MTUS2: variants seen among roughly 807,000 people sequenced by gnomAD.
MTUS2 encodes microtubule associated scaffold protein 2.
A neutral mutation model predicts 114.1 loss-of-function variants in MTUS2; 40 were observed. That is an observed-to-expected ratio of 0.35 (90% CI 0.27 to 0.46). The LOEUF is 0.46. MTUS2 is among the 20% of genes least tolerant of loss of function. The probability of loss-of-function intolerance (pLI) is 1.00; values close to 1 mark genes in which losing one functional copy is unlikely to be tolerated. For synonymous variants in MTUS2, 688 were observed against 672.0 expected (o/e 1.02, Z -0.37); for missense variants, 1,679 against 1,705.4 (o/e 0.98, Z 0.27).
intron 2 of MTUS2, among the ~76,000 whole-genome samples, chr13:28,981,046 GA>G (rs1170296737): frequency 2.6e-5 from 4 of 152,190 alleles, no homozygotes; most frequent in African/African-American, 9.7e-5. Context: ...ACCTTGAATG[GA>G]ATTAAAATTC....
rs573058254 is a variant in MTUS2, at chr13:29,335,526, C to T, written c.2905+10815C>T. Among the ~76,000 whole-genome samples the T allele has an allele frequency of 1.7e-3, 263 of 152,278 alleles. 2 individuals carry two copies. Among genetic ancestry groups the T allele is most frequent in the Middle Eastern group, 0.01 (3 of 294 alleles). On this transcript the variant is annotated intron_variant, in intron 7 of 15. Coordinates refer to ENST00000612955, the MANE Select transcript of MTUS2 (RefSeq NM_001033602.4). ...CACACCCTATTCGTACACTCCTTCC[C>T]CTTTTGAAAATCACTAATAAAAACT...
intron 4 of MTUS2, among the ~76,000 whole-genome samples, chr13:29,092,094 G>A (rs74600983): frequency 0.025 from 3,784 of 152,292 alleles, 169 homozygotes; most frequent in African/African-American, 0.086. Flanking sequence ...GCAGTCAAAT[G>A]CCTAGGCAGA....
intron 2 of MTUS2, among the ~76,000 whole-genome samples, chr13:29,020,991 G>A (rs1000196853): frequency 2.6e-5 from 4 of 152,194 alleles, no homozygotes; most frequent in Non-Finnish European, 4.4e-5. Context: ...TTTAGGCCAG[G>A]TGCTGTGACT....
At chr13:29,110,547 GAA>G (rs5802506) in intron 5 of MTUS2, among the ~76,000 whole-genome samples, 1 of 152,112 alleles carries the variant, frequency 6.6e-6, no homozygotes, top group Non-Finnish European at 1.5e-5. Context: ...TTCTTTACAA[GAA>G]AAAAAATGGA....
intron 5 of MTUS2, among the ~76,000 whole-genome samples, chr13:29,200,901 C>T (rs1894927781): frequency 6.6e-6 from 1 of 152,104 alleles, no homozygotes; most frequent in Non-Finnish European, 1.5e-5. Flanking sequence ...CATTCTTTTC[C>T]ATTTTCTGAG....
intron 5 of MTUS2, among the ~76,000 whole-genome samples, chr13:29,243,497 G>T (rs190658253): frequency 1.1e-4 from 16 of 152,330 alleles, no homozygotes; most frequent in Admixed American, 9.1e-4. Flanking sequence ...TCGGAAGCCA[G>T]TTGGTAGTGG....
chr13:29,050,280 T>C (rs374318302), intron 4 of MTUS2, among the ~76,000 whole-genome samples: 71 of 152,286 alleles, frequency 4.7e-4, no homozygotes, highest in African/African-American at 1.6e-3. Context: ...ATGGTCAAAA[T>C]GAAGTACAGA....
At chr13:29,233,702 G>A (rs1896425273) in intron 5 of MTUS2, among the ~76,000 whole-genome samples, 1 of 152,120 alleles carries the variant, frequency 6.6e-6, no homozygotes. Context: ...GCTATTTCCA[G>A]GGAAACATTT....
chr13:28,836,036 C>T (rs1410589640), intron 1 of MTUS2, among the ~76,000 whole-genome samples: 1 of 152,018 alleles, frequency 6.6e-6, no homozygotes, highest in Non-Finnish European at 1.5e-5. Flanking sequence ...AGTTAAGGTA[C>T]ACTTTATAGG....
chr13:28,910,156 C>T lies in MTUS2; in HGVS notation c.-243+70306C>T, dbSNP rs576949994. 9.0e-4 allele frequency among the ~76,000 whole-genome samples: 137 copies of T among 152,254 alleles called. 1 individual carries two copies. The highest frequency in any genetic ancestry group is 3.2e-3 in the African/African-American group (134 of 41,552). ...ATTTTTATTTTATATCTATTAACCACTCCCATTTCCCTCCATCCCACCCGT... is the reference window on the plus strand; with the variant it reads ...ATTTTTATTTTATATCTATTAACCATTCCCATTTCCCTCCATCCCACCCGT... On this transcript the variant is annotated intron_variant, in intron 2 of 15. Coordinates refer to ENST00000612955, the MANE Select transcript of MTUS2 (RefSeq NM_001033602.4).
chr13:29,455,840 G>T (rs1056448326), intron 9 of MTUS2, among the ~76,000 whole-genome samples: 2 of 152,072 alleles, frequency 1.3e-5, no homozygotes, highest in East Asian at 3.9e-4. Flanking sequence ...AATTAGCTGG[G>T]CATGGTGGTG....
intron 9 of MTUS2, among the ~76,000 whole-genome samples, chr13:29,454,876 C>T (rs1460464652): frequency 1.3e-5 from 2 of 152,206 alleles, no homozygotes; most frequent in East Asian, 3.8e-4. Flanking sequence ...TCTTCATGCC[C>T]TGTCTTCTGC....
At chr13:29,004,431 T>C (rs770778049) in intron 2 of MTUS2, among the ~76,000 whole-genome samples, 16 of 152,214 alleles carry the variant, frequency 1.1e-4, no homozygotes, top group Non-Finnish European at 2.1e-4. Context: ...ATGAAATGCT[T>C]ATTTATATAG....
At chr13:29,205,930 T>C (rs998969300) in intron 5 of MTUS2, among the ~76,000 whole-genome samples, 2 of 152,184 alleles carry the variant, frequency 1.3e-5, no homozygotes, top group African/African-American at 4.8e-5. Context: ...TACCCAGTAG[T>C]GGGATTGCTG....
chr13:29,428,970 C>G, intron 8 of MTUS2: 1 of 1,472,496 alleles, frequency 6.8e-7, no homozygotes, highest in Middle Eastern at 1.7e-4. Context: ...AGCCAGCCAC[C>G]TCGGTGCCTG....
chr13:29,072,503 C>T (rs765084464), intron 4 of MTUS2, among the ~76,000 whole-genome samples: 2 of 152,056 alleles, frequency 1.3e-5, no homozygotes, highest in African/African-American at 2.4e-5. Context: ...TATGAAAATG[C>T]GTTTTAAGGG....
rs1203304114 is a variant in MTUS2, at chr13:29,505,172, A to T, written c.*1966A>T. 1 of 232,108 alleles carries T rather than the reference A, an allele frequency of 4.3e-6. No homozygotes were observed. The highest frequency in any genetic ancestry group is 8.5e-6 in the Non-Finnish European group (1 of 117,142). 14.4% of individuals were successfully genotyped at this position (232,108 alleles called of 1,614,324 possible). A position where few individuals can be genotyped will look rare whatever the true frequency, so the allele number is the denominator to read the frequency against. ...ACATTGACTAAATACACAAGTATTT[A>T]TTCTAGTAGCAGGCACAACCTGCAA... On this transcript the variant is annotated 3_prime_UTR_variant, in exon 16 of 16. Transcript: ENST00000612955.
chr13:29,397,290 T>C (rs895005432), intron 8 of MTUS2, among the ~76,000 whole-genome samples: 4 of 152,178 alleles, frequency 2.6e-5, no homozygotes, highest in African/African-American at 7.2e-5. Flanking sequence ...TCTCTACCAC[T>C]CTTTTTTCTT....
rs1175011518 is a variant in MTUS2, at chr13:29,480,068, G to C, written c.3185-82G>C. ...TCGCCCTGTTTATTACGCCAGCCTT[G>C]ATGATCTGACCATGGAGGCTGAGTC... On this transcript the variant is annotated intron_variant, in intron 9 of 15. Coordinates refer to ENST00000612955, the MANE Select transcript of MTUS2 (RefSeq NM_001033602.4). This position sits in a 1 kb window ranked among gnomAD's most constrained non-coding sequence, Gnocchi z 4.4. The C allele has an allele frequency of 1.1e-5, 16 of 1,393,554 alleles. No homozygotes were observed. Among genetic ancestry groups the C allele is most frequent in the Non-Finnish European group, 1.5e-5 (15 of 1,014,804 alleles). The allele number at this position is 1,393,554 out of a possible 1,614,324, so 86.3% of individuals were successfully genotyped here. A position where few individuals can be genotyped will look rare whatever the true frequency, so the allele number is the denominator to read the frequency against.
Sources: gnomAD v4.1 joint callset for allele counts (sites outside exome capture counted in the v4.1 genomes callset) on GRCh38, gnomAD v4.1.1 for gene constraint, Gnocchi (gnomAD v3.1) non-coding constraint, MANE v1.5 for transcripts, NCBI Gene and HGNC (gene_info 2026-07-23, HGNC 2026-07-21) for gene names.